The following PACS1 variants were observed in gnomAD, a reference collection of about 807,000 sequenced individuals.
PACS1 encodes PACS-1.
Under a neutral mutation model 115.0 loss-of-function variants are expected in PACS1, and 24 were observed. The observed-to-expected ratio is 0.21, with a 90% CI of 0.15 to 0.29. The LOEUF is 0.29. Ranked by LOEUF, PACS1 falls within the 10% of genes least tolerant of loss-of-function variation. The probability of loss-of-function intolerance (pLI) is 1.00; values close to 1 mark genes in which losing one functional copy is unlikely to be tolerated. For synonymous variants in PACS1, 453 were observed against 504.5 expected, an observed-to-expected ratio of 0.90 and a Z score of 1.37; for missense variants, 838 against 1,251.2, an observed-to-expected ratio of 0.67 and a Z score of 4.98.
chr11:66,131,418 A>T (rs1180970187), intron 1 of PACS1, among the ~76,000 whole-genome samples: 1 of 152,166 alleles, frequency 6.6e-6, no homozygotes, highest in East Asian at 1.9e-4. Context: ...ACCTGGTCAT[A>T]TCATTTTCCC....
intron 1 of PACS1, among the ~76,000 whole-genome samples, chr11:66,106,391 G>A (rs1029874052): frequency 1.3e-5 from 2 of 152,136 alleles, no homozygotes; most frequent in African/African-American, 4.8e-5. Flanking sequence ...GGCCAACATG[G>A]TGAAACCCCA....
chr11:66,156,711 G>T (rs919405799), intron 1 of PACS1, among the ~76,000 whole-genome samples: 1 of 152,002 alleles, frequency 6.6e-6, no homozygotes, highest in Non-Finnish European at 1.5e-5. Flanking sequence ...AAAATTACCC[G>T]GGCGTGGTGG....
chr11:66,220,436 G>C (rs1855315990), intron 8 of PACS1, 195 bp from the exon 9 acceptor site: 1 of 585,286 alleles, frequency 1.7e-6, no homozygotes, highest in South Asian at 2.1e-5. Flanking sequence ...AGGAACTGGG[G>C]GGAAGGTGGC....
intron 1 of PACS1, among the ~76,000 whole-genome samples, chr11:66,085,287 T>C (rs1857546628): frequency 6.6e-6 from 1 of 152,336 alleles, no homozygotes; most frequent in African/African-American, 2.4e-5. Flanking sequence ...GGAATCCTGC[T>C]GCAGAATGAT....
intron 1 of PACS1, among the ~76,000 whole-genome samples, chr11:66,145,606 A>G (rs1241995563): frequency 6.6e-6 from 1 of 152,234 alleles, no homozygotes; most frequent in African/African-American, 2.4e-5. Flanking sequence ...ACATGCAGGT[A>G]AAACTAGAGA....
chr11:66,092,115 T>C (rs1206817265), intron 1 of PACS1, among the ~76,000 whole-genome samples: 3 of 152,152 alleles, frequency 2.0e-5, no homozygotes, highest in Non-Finnish European at 4.4e-5. Context: ...CCACAGTGGT[T>C]GAACTAGTTT....
At chr11:66,117,408 C>T (rs1401458159) in intron 1 of PACS1, among the ~76,000 whole-genome samples, 2 of 146,560 alleles carry the variant, frequency 1.4e-5, no homozygotes, top group African/African-American at 2.5e-5. Context: ...TGCAGTGAGC[C>T]GAGATCGCAC....
At chr11:66,155,129 A>G in intron 1 of PACS1, among the ~76,000 whole-genome samples, 1 of 152,246 alleles carries the variant, frequency 6.6e-6, no homozygotes, top group East Asian at 1.9e-4. Context: ...CTGCCCAGAA[A>G]GCTCAAAACG....
chr11:66,121,640 A>C (rs1858444333), intron 1 of PACS1, among the ~76,000 whole-genome samples: 1 of 152,224 alleles, frequency 6.6e-6, no homozygotes. Context: ...AAGAAAGCAA[A>C]ACAACCTTAT....
intron 1 of PACS1, among the ~76,000 whole-genome samples, chr11:66,077,305 A>G (rs558643036): frequency 2.0e-5 from 3 of 152,312 alleles, no homozygotes; most frequent in African/African-American, 4.8e-5. Context: ...GCTCATGCCT[A>G]TCATCCCAGC....
rs1206943754 is a variant in PACS1, at chr11:66,243,434, G to T, written c.*154G>T. The T allele has an allele frequency of 8.1e-6, 5 of 614,426 alleles. No individual in the cohort carries two copies. In the African/African-American group the frequency reaches 9.2e-5, roughly 11 times the overall value. 38.1% of individuals were successfully genotyped at this position (614,426 alleles called of 1,614,324 possible). A position where few individuals can be genotyped will look rare whatever the true frequency, so the allele number is the denominator to read the frequency against. On this transcript the variant is annotated 3_prime_UTR_variant, in exon 24 of 24. Transcript: ENST00000320580. ...AGGTCCCGAAGGACACTGCCACAGG[G>T]ACGCCTTCCCTCCCCTCCCCTCCAG... is the stretch of plus-strand genomic sequence containing the variant.
Position 66,070,774 on chromosome 11 carries a change from C to T in PACS1, c.288C>T (p.Pro96=). 6.5e-6 allele frequency: 10 copies of T among 1,533,934 alleles called. No homozygotes were observed. The highest frequency in any genetic ancestry group is 1.2e-5 in the South Asian group (1 of 83,410). The change falls in exon 1 of 24, where the codon CCC becomes CCT. Residue 96 remains proline, a synonymous_variant. Coordinates refer to ENST00000320580, the MANE Select transcript of PACS1 (RefSeq NM_018026.4). This position sits in a 1 kb window ranked among gnomAD's most constrained non-coding sequence, Gnocchi z 5.9. ...GTGGCCCGGGGCCAGGCCGCACCCC[C>T]GCCCCGGTGCAGATGAACCTGTACG... ...PPGGPGPGRT[P]APVQMNLYAT... is the part of the protein sequence containing the mutation.
chr11:66,204,976 TA>T (rs2134690917), intron 2 of PACS1, among the ~76,000 whole-genome samples: 1 of 152,184 alleles, frequency 6.6e-6, no homozygotes, highest in African/African-American at 2.4e-5. Context: ...ACCCCATCTC[TA>T]TTTTTTAAAA....
At chr11:66,210,046 T>C (rs1443660798) in intron 2 of PACS1, among the ~76,000 whole-genome samples, 1 of 151,984 alleles carries the variant, frequency 6.6e-6, no homozygotes, top group Non-Finnish European at 1.5e-5. Context: ...ATTGATATTA[T>C]TTGAGACAGG....
intron 1 of PACS1, among the ~76,000 whole-genome samples, chr11:66,128,419 C>G (rs1858627668): frequency 1.3e-5 from 2 of 152,290 alleles, no homozygotes; most frequent in African/African-American, 4.8e-5. Context: ...GAAATGCTGT[C>G]TGTGATTTGC....
chr11:66,209,061 T>C (rs1391837889), intron 2 of PACS1, among the ~76,000 whole-genome samples: 11 of 152,268 alleles, frequency 7.2e-5, no homozygotes. Context: ...TCTTGAAGTT[T>C]AGTGAGATTC....
chr11:66,229,912 G>T (rs993911390), intron 11 of PACS1, among the ~76,000 whole-genome samples: 1 of 150,434 alleles, frequency 6.6e-6, no homozygotes, highest in African/African-American at 2.5e-5. Context: ...CGCCAAGATT[G>T]TGCCACTGCG....
chr11:66,070,930 C>T lies in PACS1; in HGVS notation c.356+88C>T. 7.9e-7 allele frequency: 1 copy of T among 1,265,622 alleles called. No individual in the cohort carries two copies. The highest frequency in any genetic ancestry group is 1.0e-6 in the Non-Finnish European group (1 of 983,000). The allele number at this position is 1,265,622 out of a possible 1,614,324, so 78.4% of individuals were successfully genotyped here. A position where few individuals can be genotyped will look rare whatever the true frequency, so the allele number is the denominator to read the frequency against. On this transcript the variant is annotated intron_variant, in intron 1 of 23. Coordinates refer to ENST00000320580, the MANE Select transcript of PACS1 (RefSeq NM_018026.4). This position sits in a 1 kb window ranked among gnomAD's most constrained non-coding sequence, Gnocchi z 5.9. ...CCCCGCCCCAGCGCCCATGGGGTCC[C>T]CGCCCTCCATCTCCCCGACTGTCCC...
At chr11:66,223,968 TG>T (rs1855415303) in intron 10 of PACS1, among the ~76,000 whole-genome samples, 1 of 151,866 alleles carries the variant, frequency 6.6e-6, no homozygotes. Context: ...GAGGCCGAGG[TG>T]GGTGGACCAC....
Sources: gnomAD v4.1 joint callset for allele counts (sites outside exome capture counted in the v4.1 genomes callset) on GRCh38, gnomAD v4.1.1 for gene constraint, Gnocchi (gnomAD v3.1) non-coding constraint, MANE v1.5 for transcripts, NCBI Gene and HGNC (gene_info 2026-07-23, HGNC 2026-07-21) for gene names.